C17orf67: variants seen among roughly 807,000 people sequenced by gnomAD.
The protein encoded by C17orf67 is uncharacterized protein C17orf67.
A neutral mutation model predicts 11.2 loss-of-function variants in C17orf67; 12 were observed. The observed-to-expected ratio is 1.07, with a 90% confidence interval of 0.68 to 1.73. The LOEUF is 1.73. Among genes scored for constraint, C17orf67 ranks in the 40% most tolerant of loss-of-function variants. The pLI is 0.00. For synonymous variants in C17orf67, 59 were observed against 46.9 expected (o/e 1.26, Z -1.05); for missense variants, 115 against 113.5 (o/e 1.01, Z -0.06).
At chr17:56,795,711 C>CAGCAAT (rs561014137) in intron 6 of C17orf67, among the ~76,000 whole-genome samples, 317 of 152,224 alleles carry the variant, frequency 2.1e-3, no homozygotes, top group African/African-American at 7.2e-3. Flanking sequence ...ATGTTTATAG[C>CAGCAAT]AGCAATAAAT....
intron 2 of C17orf67, among the ~76,000 whole-genome samples, chr17:56,828,725 C>T (rs1339022918): frequency 1.3e-5 from 2 of 152,090 alleles, no homozygotes; most frequent in Non-Finnish European, 2.9e-5. Flanking sequence ...TCCTAACTTT[C>T]GTGGCTTTCA....
chr17:56,823,313 C>T (rs1905949876), intron 4 of C17orf67, among the ~76,000 whole-genome samples: 1 of 152,052 alleles, frequency 6.6e-6, no homozygotes, highest in South Asian at 2.1e-4. Context: ...TCTAGCACTG[C>T]TTCTCAGGCC....
intron 6 of C17orf67, among the ~76,000 whole-genome samples, chr17:56,803,369 A>T (rs1414668786): frequency 2.0e-5 from 3 of 152,260 alleles, no homozygotes; most frequent in African/African-American, 7.2e-5. Context: ...GCAACTTCCC[A>T]ATACTTAAAG....
At chr17:56,830,201 C>T (rs1230627545) in intron 2 of C17orf67, among the ~76,000 whole-genome samples, 1 of 151,858 alleles carries the variant, frequency 6.6e-6, no homozygotes, top group East Asian at 1.9e-4. Context: ...AAAAATTAGC[C>T]GGGCGTGGTG....
At position 56,807,293 on chromosome 17, in the gene C17orf67, GAAGA is replaced by G. The variant is rs200857875; in HGVS notation, c.156+7572_156+7575del. Among the ~76,000 whole-genome samples, 167 of 152,310 alleles carry G rather than the reference GAAGA, an allele frequency of 1.1e-3. 1 individual carries two copies. In the East Asian group the frequency reaches 0.031, roughly 28 times the overall value. On this transcript the variant is annotated intron_variant, in intron 6 of 7. Transcript: ENST00000397861. Reference sequence around the variant, plus strand: ...AGTGAGCAGAGTGCCCAGAAGGAAGGAAGAGAGATCAATTGTGTCAAAACAAAAC... The same window carrying G: ...AGTGAGCAGAGTGCCCAGAAGGAAGGGAGATCAATTGTGTCAAAACAAAAC...
In C17orf67 at chr17:56,815,352, T is replaced by A. The variant is rs9889321; in HGVS notation, c.56-383A>T. Among the ~76,000 whole-genome samples the A allele has an allele frequency of 2.0e-5, 3 of 152,076 alleles. No individual in the cohort carries two copies. In the East Asian group the frequency reaches 5.8e-4, roughly 29 times the overall value. ...AAAGTCATTACTGGAAGATGCCCAG[T>A]GATAATAAGATTATGTTAAACTTGA... On this transcript the variant is annotated intron_variant, in intron 5 of 7. Transcript: ENST00000397861.
chr17:56,800,388 T>G (rs1373943322), intron 6 of C17orf67, among the ~76,000 whole-genome samples: 3 of 152,136 alleles, frequency 2.0e-5, no homozygotes, highest in Admixed American at 6.6e-5. Context: ...TTTTTTTAAT[T>G]TACCCACGTT....
At chr17:56,808,223 A>G (rs946493507) in intron 6 of C17orf67, among the ~76,000 whole-genome samples, 4 of 152,186 alleles carry the variant, frequency 2.6e-5, no homozygotes, top group African/African-American at 9.7e-5. Flanking sequence ...TCAAGGAACT[A>G]CTAACACAAA....
At chr17:56,805,653 G>A (rs1481626103) in intron 6 of C17orf67, among the ~76,000 whole-genome samples, 1 of 151,990 alleles carries the variant, frequency 6.6e-6, no homozygotes, top group Non-Finnish European at 1.5e-5. Context: ...CTGATTCTTG[G>A]ACCTAGTAAT....
chr17:56,813,163 G>A (rs1420581282), intron 6 of C17orf67, among the ~76,000 whole-genome samples: 1 of 152,022 alleles, frequency 6.6e-6, no homozygotes, highest in Non-Finnish European at 1.5e-5. Context: ...CTGCAGAATG[G>A]CCGCTCCAGG....
chr17:56,802,378 T>C (rs1314596220), intron 6 of C17orf67, among the ~76,000 whole-genome samples: 2 of 152,314 alleles, frequency 1.3e-5, no homozygotes, highest in East Asian at 3.9e-4. Context: ...TGTCATCTTT[T>C]TAAAGAATTT....
At chr17:56,819,678 G>C (rs1269205042) in intron 4 of C17orf67, among the ~76,000 whole-genome samples, 3 of 152,160 alleles carry the variant, frequency 2.0e-5, no homozygotes, top group Non-Finnish European at 2.9e-5. Flanking sequence ...GCGAGAGGGG[G>C]AGGAATATAG....
At chr17:56,794,072 C>A (rs528159711) in intron 7 of C17orf67, among the ~76,000 whole-genome samples, 1 of 152,318 alleles carries the variant, frequency 6.6e-6, no homozygotes, top group Admixed American at 6.5e-5. Flanking sequence ...GCATACCAAC[C>A]ACTGCTTAGC....
intron 6 of C17orf67, among the ~76,000 whole-genome samples, chr17:56,812,937 C>T (rs1905665971): frequency 6.6e-6 from 1 of 152,192 alleles, no homozygotes; most frequent in South Asian, 2.1e-4. Flanking sequence ...TTCAAACCCA[C>T]CTGTTCACCC....
At chr17:56,809,664 C>T (rs754977216) in intron 6 of C17orf67, among the ~76,000 whole-genome samples, 5 of 145,614 alleles carry the variant, frequency 3.4e-5, no homozygotes, top group Non-Finnish European at 7.6e-5. Flanking sequence ...TCACAGACTG[C>T]TCACACACAG....
At chr17:56,826,446 A>T (rs1317488732) in intron 2 of C17orf67, among the ~76,000 whole-genome samples, 1 of 152,186 alleles carries the variant, frequency 6.6e-6, no homozygotes, top group African/African-American at 2.4e-5. Context: ...ACAAGGGGAC[A>T]CAGATGTCTG....
chr17:56,813,839 T>C (rs1905690276), intron 6 of C17orf67, among the ~76,000 whole-genome samples: 1 of 151,534 alleles, frequency 6.6e-6, no homozygotes. Flanking sequence ...AATAATATTA[T>C]AGTAATATCA....
intron 6 of C17orf67, among the ~76,000 whole-genome samples, chr17:56,801,482 G>A (rs151295324): frequency 1.6e-4 from 25 of 152,240 alleles, no homozygotes; most frequent in Non-Finnish European, 2.8e-4. Context: ...GAAAAAGAAT[G>A]TGCAAAGGAA....
At chr17:56,794,183 G>A (rs955655370) in intron 7 of C17orf67, among the ~76,000 whole-genome samples, 2 of 152,156 alleles carry the variant, frequency 1.3e-5, no homozygotes, top group African/African-American at 4.8e-5. Context: ...ATCATGTGAG[G>A]CAATTTATGT....
Sources: allele counts gnomAD v4.1 joint callset (sites outside exome capture counted in the v4.1 genomes callset), GRCh38; gene constraint gnomAD v4.1.1; transcripts MANE v1.5; gene names NCBI Gene and HGNC (gene_info 2026-07-23, HGNC 2026-07-21).